The following EBF2 variants were observed in gnomAD, a reference collection of about 807,000 sequenced individuals.
EBF2 encodes the protein EBF transcription factor 2.
Under a neutral mutation model 72.8 loss-of-function variants are expected in EBF2, and 21 were observed. The observed-to-expected ratio is 0.29, with a 90% confidence interval of 0.20 to 0.42. The LOEUF is 0.42. EBF2 is among the 10% of genes least tolerant of loss of function. The probability of loss-of-function intolerance (pLI) is 1.00; values close to 1 mark genes in which losing one functional copy is unlikely to be tolerated. For missense variants in EBF2, 637 were observed against 731.2 expected (o/e 0.87, Z 1.49); for synonymous variants, 299 against 274.2 (o/e 1.09, Z -0.89).
chr8:25,849,356 G>T (rs1179345089), intron 15 of EBF2, among the ~76,000 whole-genome samples: 1 of 152,124 alleles, frequency 6.6e-6, no homozygotes, highest in Non-Finnish European at 1.5e-5. Context: ...GCCACAAGAG[G>T]AGACTGACCT....
At chr8:26,041,146 G>A in intron 2 of EBF2, 144 bp from the exon 3 acceptor site, 2 of 911,820 alleles carry the variant, frequency 2.2e-6, no homozygotes, top group Admixed American at 2.2e-5. Context: ...CTAGGTCAAA[G>A]GGCATGAGCA....
At chr8:26,021,998 CTGATTATA>C (rs949463886) in intron 6 of EBF2, among the ~76,000 whole-genome samples, 6 of 152,228 alleles carry the variant, frequency 3.9e-5, no homozygotes, top group African/African-American at 1.4e-4. Context: ...CACAAAATCA[CTGATTATA>C]GTAAAGTGAA....
chr8:25,856,048 G>C (rs1325214286), intron 14 of EBF2, among the ~76,000 whole-genome samples: 1 of 152,170 alleles, frequency 6.6e-6, no homozygotes, highest in Non-Finnish European at 1.5e-5. Flanking sequence ...GTAGAAGGAA[G>C]TCGTCACTGG....
chr8:25,910,018 G>A (rs940767454), intron 6 of EBF2, among the ~76,000 whole-genome samples: 1 of 152,124 alleles, frequency 6.6e-6, no homozygotes, highest in Non-Finnish European at 1.5e-5. Flanking sequence ...GGAGGTGTTG[G>A]GGTCTTTATG....
chr8:25,873,054 A>C (rs140188377), intron 10 of EBF2, among the ~76,000 whole-genome samples: 37 of 152,192 alleles, frequency 2.4e-4, no homozygotes, highest in Middle Eastern at 3.4e-3. Context: ...TTCCCCTTCC[A>C]ATTTCCTTGT....
At chr8:26,026,328 A>C (rs891958893) in intron 6 of EBF2, among the ~76,000 whole-genome samples, 2 of 152,230 alleles carry the variant, frequency 1.3e-5, no homozygotes. Context: ...ATGAATTAGC[A>C]TACCTGACCC....
At chr8:25,968,649 C>A (rs903546649) in intron 6 of EBF2, among the ~76,000 whole-genome samples, 2 of 152,278 alleles carry the variant, frequency 1.3e-5, no homozygotes, top group South Asian at 4.1e-4. Context: ...GCAACCTCCA[C>A]CCCCCTGGGT....
At chr8:25,922,825 C>T (rs556060425) in intron 6 of EBF2, among the ~76,000 whole-genome samples, 11 of 152,154 alleles carry the variant, frequency 7.2e-5, no homozygotes, top group South Asian at 6.2e-4. Flanking sequence ...CTAATTGACA[C>T]GCTCAGTATC....
At position 25,901,790 on chromosome 8, in the gene EBF2, C is replaced by T. The variant is rs534392164; in HGVS notation, c.633+6684G>A. 9.8e-5 allele frequency among the ~76,000 whole-genome samples: 15 copies of T among 152,332 alleles called. No homozygotes were observed. In the South Asian group the frequency reaches 3.1e-3, roughly 32 times the overall value. ...ACTTGACCAAGCTGCTGAGTTCCAG[C>T]AAGCACCACAAACACAGCTGGCACT... On this transcript the variant is annotated intron_variant, in intron 7 of 15. Coordinates refer to ENST00000520164, the MANE Select transcript of EBF2 (RefSeq NM_022659.4).
chr8:25,954,226 T>G (rs1169409513), intron 6 of EBF2, among the ~76,000 whole-genome samples: 1 of 151,884 alleles, frequency 6.6e-6, no homozygotes, highest in Non-Finnish European at 1.5e-5. Context: ...GGAGTAAGAG[T>G]GATATCGGGC....
chr8:25,966,191 A>C (rs1804112125), intron 6 of EBF2, among the ~76,000 whole-genome samples: 1 of 152,248 alleles, frequency 6.6e-6, no homozygotes, highest in Non-Finnish European at 1.5e-5. Context: ...AAAGGCTTAG[A>C]GATGATCCAT....
intron 6 of EBF2, among the ~76,000 whole-genome samples, chr8:25,944,551 A>G (rs1004018365): frequency 6.7e-6 from 1 of 149,826 alleles, no homozygotes; most frequent in Non-Finnish European, 1.5e-5. Context: ...TATAGAATAT[A>G]TACACAATTA....
intron 6 of EBF2, among the ~76,000 whole-genome samples, chr8:26,005,268 AAT>A (rs369956909): frequency 0.16 from 1,014 of 6,198 alleles, 168 homozygotes; most frequent in East Asian, 0.7. Context: ...TATAATATAT[AAT>A]ATATATAATT....
intron 14 of EBF2, among the ~76,000 whole-genome samples, chr8:25,855,002 G>C (rs1585259463): frequency 1.3e-5 from 2 of 152,116 alleles, no homozygotes; most frequent in African/African-American, 4.8e-5. Flanking sequence ...TTGTTAAATA[G>C]ACAATCTTTT....
rs761030248 is a variant in EBF2, at chr8:25,861,336, A to G, written c.1137T>C (p.Ala379=). ...GGTTATTGTGTGGTGTGCCATAAAG[A>G]GCTTCCACTAGATCTGCAGCTCTTT... The part of the protein sequence containing the change: ...LLKRAADLVE[A]LYGTPHNNQD... Residue 379 remains alanine, a synonymous_variant, in exon 12 of 16, where the codon GCT becomes GCC. Coordinates refer to ENST00000520164, the MANE Select transcript of EBF2 (RefSeq NM_022659.4). 1.9e-6 allele frequency: 3 copies of G among 1,614,220 alleles called. No homozygotes were observed. Among genetic ancestry groups the G allele is most frequent in the Admixed American group, 3.3e-5 (2 of 60,018 alleles).
intron 6 of EBF2, among the ~76,000 whole-genome samples, chr8:25,910,355 C>T (rs1234048971): frequency 1.3e-5 from 2 of 152,134 alleles, no homozygotes; most frequent in African/African-American, 4.8e-5. Flanking sequence ...CACACTGGCC[C>T]TCAACCACTC....
chr8:25,882,642 A>G (rs1802623303), intron 10 of EBF2, among the ~76,000 whole-genome samples: 1 of 152,212 alleles, frequency 6.6e-6, no homozygotes, highest in Non-Finnish European at 1.5e-5. Context: ...TGTATCATTT[A>G]GTCCTCAGCT....
At chr8:25,948,492 T>C (rs568047428) in intron 6 of EBF2, among the ~76,000 whole-genome samples, 1 of 152,308 alleles carries the variant, frequency 6.6e-6, no homozygotes, top group South Asian at 2.1e-4. Context: ...TTATACCCTA[T>C]TTGACTAGGA....
At chr8:25,862,616 T>A (rs1449012264) in intron 11 of EBF2, 93 bp downstream of exon 11, 2 of 960,088 alleles carry the variant, frequency 2.1e-6, no homozygotes, top group African/African-American at 3.3e-5. Flanking sequence ...CAAGGCCTAA[T>A]TAATTTTAAT....
Sources: gnomAD v4.1 joint callset for allele counts (sites outside exome capture counted in the v4.1 genomes callset) on GRCh38, gnomAD v4.1.1 for gene constraint, MANE v1.5 for transcripts, NCBI Gene and HGNC (gene_info 2026-07-23, HGNC 2026-07-21) for gene names.